The following TMEM65 variants were observed in gnomAD, a reference collection of about 807,000 sequenced individuals.
TMEM65 encodes the protein transmembrane protein 65.
Under a neutral mutation model 25.4 loss-of-function variants are expected in TMEM65, and 22 were observed. The observed-to-expected ratio is 0.86, with a 90% CI of 0.62 to 1.23. TMEM65 has a LOEUF of 1.23. Ranked by LOEUF, TMEM65 falls within the 50% of genes most tolerant of loss-of-function variation. The pLI is 0.00. For missense variants in TMEM65, 262 were observed against 308.2 expected (o/e 0.85, Z 1.12); for synonymous variants, 132 against 126.2 (o/e 1.05, Z -0.31).
chr8:124,334,201 C>T (rs1814473469), intron 1 of TMEM65, among the ~76,000 whole-genome samples: 1 of 152,076 alleles, frequency 6.6e-6, no homozygotes, highest in Non-Finnish European at 1.5e-5. Flanking sequence ...ACAGGAATAA[C>T]TAGGATACAT....
At position 124,351,119 on chromosome 8, in the gene TMEM65, C is replaced by A. The variant is rs980723910; in HGVS notation, c.305-20327G>T. 3 of 984,434 alleles carry A rather than the reference C, an allele frequency of 3.0e-6. No individual in the cohort carries two copies. In the East Asian group the frequency reaches 3.4e-4, roughly 112 times the overall value. 61.0% of individuals were successfully genotyped at this position (984,434 alleles called of 1,614,324 possible). On this transcript the variant is annotated intron_variant, in intron 1 of 6. Coordinates refer to ENST00000297632, the MANE Select transcript of TMEM65 (RefSeq NM_194291.3). ...ATCTCAGGTTTGGGATATCTGCATGCTAAAAGATATTTTAAAATCAAAATA... is the reference window on the plus strand; with the variant it reads ...ATCTCAGGTTTGGGATATCTGCATGATAAAAGATATTTTAAAATCAAAATA...
At chr8:124,371,746 G>T in intron 1 of TMEM65, 108 bp downstream of exon 1, 1 of 1,106,010 alleles carries the variant, frequency 9.0e-7, no homozygotes. Context: ...GCGGAAGGGG[G>T]GCGGCGGCGG....
chr8:124,370,521 A>G (rs1025239240), intron 1 of TMEM65, among the ~76,000 whole-genome samples: 9 of 152,240 alleles, frequency 5.9e-5, no homozygotes, highest in African/African-American at 2.2e-4. Context: ...CATCATGATT[A>G]CACATTGAAT....
intron 1 of TMEM65, among the ~76,000 whole-genome samples, chr8:124,354,370 A>G (rs565774436): frequency 6.6e-6 from 1 of 152,352 alleles, no homozygotes; most frequent in Admixed American, 6.5e-5. Context: ...CCCATGTTAT[A>G]TTGTGGTTAT....
At chr8:124,357,829 C>CTTTTTTT (rs35830531) in intron 1 of TMEM65, among the ~76,000 whole-genome samples, 2 of 105,846 alleles carry the variant, frequency 1.9e-5, no homozygotes, top group African/African-American at 3.7e-5. Flanking sequence ...ACTTTTTTAT[C>CTTTTTTT]TTTTTTTTTT....
At chr8:124,360,633 A>G (rs1314199805) in intron 1 of TMEM65, among the ~76,000 whole-genome samples, 1 of 152,092 alleles carries the variant, frequency 6.6e-6, no homozygotes, top group Non-Finnish European at 1.5e-5. Context: ...GTTTGGGCAA[A>G]TGATTATACA....
At position 124,307,536 on chromosome 8, in the gene TMEM65, C is replaced by T. The variant is rs888591483; in HGVS notation, c.*6424G>A. On this transcript the variant is annotated 3_prime_UTR_variant, in exon 7 of 7. Coordinates refer to ENST00000297632, the MANE Select transcript of TMEM65 (RefSeq NM_194291.3). ...CTTTTTGTGATATACCTTTTTATCT[C>T]GTATTAAAAATGCAACTTTTATGTG... The T allele has an allele frequency of 2.6e-5, 4 of 151,658 alleles. No individual in the cohort carries two copies. Among genetic ancestry groups the T allele is most frequent in the South Asian group, 2.1e-4 (1 of 4,812 alleles). The allele number at this position is 151,658 out of a possible 1,614,324, so 9.4% of individuals were successfully genotyped here.
chr8:124,327,408 A>G lies in TMEM65; in HGVS notation c.363T>C (p.Asn121=), dbSNP rs371454828. Residue 121 remains asparagine, a synonymous_variant, in exon 3 of 7, where the codon AAT becomes AAC. Coordinates refer to ENST00000297632, the MANE Select transcript of TMEM65 (RefSeq NM_194291.3). ...AGCCAAACCCTATGAAAGGTATCGCATTGTGGATGAATACTGAAAAACATC... is the reference window on the plus strand; with the variant it reads ...AGCCAAACCCTATGAAAGGTATCGCGTTGTGGATGAATACTGAAAAACATC... The part of the protein sequence containing the change: ...PGQLRYVFIH[N]AIPFIGFGFL... 8 of 1,595,426 alleles carry G rather than the reference A, an allele frequency of 5.0e-6. No individual in the cohort carries two copies. The highest frequency in any genetic ancestry group is 1.4e-5 in the African/African-American group (1 of 74,010).
chr8:124,319,586 T>C (rs917686974), intron 6 of TMEM65, among the ~76,000 whole-genome samples: 2 of 151,998 alleles, frequency 1.3e-5, no homozygotes, highest in African/African-American at 4.8e-5. Context: ...CTCTTATTCA[T>C]CTAGTAAATG....
chr8:124,327,552 G>T, intron 2 of TMEM65, 131 bp from the exon 3 acceptor site: 1 of 575,252 alleles, frequency 1.7e-6, no homozygotes, highest in Non-Finnish European at 2.9e-6. Flanking sequence ...ATTTTCCAGA[G>T]CCAATAGATG....
chr8:124,327,763 T>A (rs1011036208), intron 2 of TMEM65, among the ~76,000 whole-genome samples: 1 of 150,122 alleles, frequency 6.7e-6, no homozygotes, highest in African/African-American at 2.4e-5. Context: ...TACCACATTT[T>A]ACCTGATTGC....
chr8:124,345,670 T>A (rs1814632230), intron 1 of TMEM65, among the ~76,000 whole-genome samples: 7 of 152,216 alleles, frequency 4.6e-5, no homozygotes, highest in Admixed American at 4.6e-4. Context: ...ACCGTATTAA[T>A]CCATTCTTAC....
At chr8:124,366,694 C>A (rs1409019287) in intron 1 of TMEM65, among the ~76,000 whole-genome samples, 1 of 150,088 alleles carries the variant, frequency 6.7e-6, no homozygotes, top group Non-Finnish European at 1.5e-5. Context: ...TGTTAAACAG[C>A]ATATATGCCT....
chr8:124,321,208 T>G (rs1303980196), intron 5 of TMEM65, among the ~76,000 whole-genome samples: 1 of 152,174 alleles, frequency 6.6e-6, no homozygotes, highest in African/African-American at 2.4e-5. Flanking sequence ...CAAACTCCAG[T>G]GCAGAAGTCT....
intron 1 of TMEM65, chr8:124,350,867 A>G (rs1350208870): frequency 7.8e-6 from 3 of 386,508 alleles, no homozygotes; most frequent in Non-Finnish European, 1.1e-5. Context: ...TTAAAGTTAT[A>G]AAATTTAATC....
rs1334793991 is a variant in TMEM65 at position 124,307,413 on chromosome 8, AT to A, written c.*6546del. On this transcript the variant is annotated 3_prime_UTR_variant, in exon 7 of 7. Coordinates refer to ENST00000297632, the MANE Select transcript of TMEM65 (RefSeq NM_194291.3). ...TACTGGTCTGCAGCTGTAGTTGCCC[AT>A]CCTTCAAGATAAATGAATCCAGCAT... The A allele has an allele frequency of 2.0e-5, 3 of 152,076 alleles. No individual in the cohort carries two copies. Among genetic ancestry groups the A allele is most frequent in the Non-Finnish European group, 2.9e-5 (2 of 68,024 alleles). The allele number at this position is 152,076 out of a possible 1,614,324, so 9.4% of individuals were successfully genotyped here. A position where few individuals can be genotyped will look rare whatever the true frequency, so the allele number is the denominator to read the frequency against.
At chr8:124,315,543 G>A (rs1048746967) in intron 6 of TMEM65, among the ~76,000 whole-genome samples, 3 of 151,906 alleles carry the variant, frequency 2.0e-5, no homozygotes, top group Admixed American at 1.3e-4. Context: ...GGATGGTCTC[G>A]ATCTCCTGAC....
intron 3 of TMEM65, among the ~76,000 whole-genome samples, 196 bp downstream of exon 3, chr8:124,327,158 T>C (rs1191096250): frequency 6.6e-6 from 1 of 151,972 alleles, no homozygotes; most frequent in East Asian, 1.9e-4. Flanking sequence ...TCTAAATGCT[T>C]TACCTAAAGT....
intron 1 of TMEM65, among the ~76,000 whole-genome samples, chr8:124,350,832 TTAAATA>T (rs1431698863): frequency 6.6e-5 from 10 of 151,908 alleles, no homozygotes; most frequent in South Asian, 2.1e-4. Context: ...TTAAATATAA[TTAAATA>T]TAAATATTTT....
Sources: gnomAD v4.1 joint callset for allele counts (sites outside exome capture counted in the v4.1 genomes callset) on GRCh38, gnomAD v4.1.1 for gene constraint, MANE v1.5 for transcripts, NCBI Gene and HGNC (gene_info 2026-07-23, HGNC 2026-07-21) for gene names.